Variants in GLIS1 observed in about 807,000 individuals in gnomAD.
The protein encoded by GLIS1 is zinc finger protein GLIS1.
A neutral mutation model predicts 63.8 loss-of-function variants in GLIS1; 24 were observed. The ratio of observed to expected loss-of-function variants is 0.38; its 90% CI spans 0.27 to 0.53. The LOEUF (loss-of-function observed/expected upper bound fraction) is 0.53. Ranked by LOEUF, GLIS1 falls within the 20% of genes least tolerant of loss-of-function variation. GLIS1 has a pLI of 0.85. For synonymous variants in GLIS1, 450 were observed against 482.5 expected, an observed-to-expected ratio of 0.93 and a Z score of 0.88; for missense variants, 1,036 against 1,074.1, an observed-to-expected ratio of 0.96 and a Z score of 0.50.
At chr1:53,698,165 A>G (rs1274165445) in intron 2 of GLIS1, among the ~76,000 whole-genome samples, 2 of 151,538 alleles carry the variant, frequency 1.3e-5, no homozygotes, top group African/African-American at 4.8e-5. Context: ...TCTCCCAGGA[A>G]CACGCCCTCC....
chr1:53,682,207 G>GACTCCA (rs1172962122), intron 2 of GLIS1, among the ~76,000 whole-genome samples: 4 of 152,172 alleles, frequency 2.6e-5, no homozygotes, highest in Admixed American at 6.5e-5. Context: ...ACCGGACTCC[G>GACTCCA]ACTCCAACTC....
chr1:53,628,139 C>T (rs1009477572), intron 2 of GLIS1, among the ~76,000 whole-genome samples: 2 of 24,444 alleles, frequency 8.2e-5, no homozygotes, highest in African/African-American at 1.3e-4. Context: ...CTTGCTGTGC[C>T]CTTGCTGTGC....
intron 2 of GLIS1, among the ~76,000 whole-genome samples, chr1:53,630,499 T>C (rs1283121360): frequency 3.1e-4 from 1 of 3,276 alleles, no homozygotes; most frequent in Non-Finnish European, 0.014. Context: ...ATTTCTTTCT[T>C]TTTTTTTTTT....
intron 4 of GLIS1, among the ~76,000 whole-genome samples, chr1:53,541,300 C>T (rs1557440284): frequency 6.6e-6 from 1 of 152,224 alleles, no homozygotes; most frequent in Admixed American, 6.5e-5. Context: ...CTTTAGGGGA[C>T]AGCCCACAGT....
intron 2 of GLIS1, among the ~76,000 whole-genome samples, chr1:53,625,794 G>A (rs1490711651): frequency 6.6e-6 from 1 of 152,164 alleles, no homozygotes; most frequent in Non-Finnish European, 1.5e-5. Context: ...CCCCCTTCAG[G>A]TCAATCCATC....
At chr1:53,669,067 C>T (rs1646125245) in intron 2 of GLIS1, among the ~76,000 whole-genome samples, 1 of 152,332 alleles carries the variant, frequency 6.6e-6, no homozygotes, top group East Asian at 1.9e-4. Context: ...CAGATGAGGC[C>T]TGGGCATTCT....
At chr1:53,610,084 G>A (rs1000607131) in intron 2 of GLIS1, among the ~76,000 whole-genome samples, 3 of 152,164 alleles carry the variant, frequency 2.0e-5, no homozygotes, top group African/African-American at 7.2e-5. Context: ...TCTACACAAG[G>A]CAAGAACCTC....
At chr1:53,630,241 A>C (rs1315741095) in intron 2 of GLIS1, among the ~76,000 whole-genome samples, 1 of 152,198 alleles carries the variant, frequency 6.6e-6, no homozygotes, top group Non-Finnish European at 1.5e-5. Context: ...TTTATTTAGC[A>C]ATTCCCTGTT....
chr1:53,726,980 T>G (rs544561504), intron 2 of GLIS1, among the ~76,000 whole-genome samples: 9 of 152,206 alleles, frequency 5.9e-5, no homozygotes, highest in Non-Finnish European at 1.3e-4. Flanking sequence ...TGCTGTGCAC[T>G]AGCACCTGAG....
intron 4 of GLIS1, among the ~76,000 whole-genome samples, chr1:53,584,892 C>A (rs1327186446): frequency 6.6e-6 from 1 of 152,196 alleles, no homozygotes; most frequent in East Asian, 1.9e-4. Flanking sequence ...TCTATAAATT[C>A]TCAGTTACGA....
intron 2 of GLIS1, among the ~76,000 whole-genome samples, chr1:53,715,285 AT>A (rs1646686307): frequency 6.6e-6 from 1 of 152,214 alleles, no homozygotes; most frequent in Non-Finnish European, 1.5e-5. Flanking sequence ...GGGAGGTGAT[AT>A]GTAAGCAGAA....
intron 4 of GLIS1, among the ~76,000 whole-genome samples, chr1:53,556,983 T>A (rs933101008): frequency 3.4e-5 from 5 of 146,796 alleles, no homozygotes; most frequent in Admixed American, 2.0e-4. Context: ...TGTGTGCAGA[T>A]GTGTGTGTTC....
chr1:53,682,118 C>A (rs551003478), intron 2 of GLIS1, among the ~76,000 whole-genome samples: 2 of 152,366 alleles, frequency 1.3e-5, no homozygotes, highest in East Asian at 3.9e-4. Context: ...CCGTTCCAGG[C>A]AGAGTCCGCA....
intron 2 of GLIS1, among the ~76,000 whole-genome samples, chr1:53,690,733 A>G (rs767325561): frequency 1.3e-5 from 2 of 152,186 alleles, no homozygotes; most frequent in Non-Finnish European, 2.9e-5. Context: ...ACAGACAGAG[A>G]AGGAGGAAAG....
At chr1:53,638,382 C>T (rs1328217381) in intron 2 of GLIS1, among the ~76,000 whole-genome samples, 1 of 120,084 alleles carries the variant, frequency 8.3e-6, no homozygotes, top group African/African-American at 2.5e-5. Flanking sequence ...CAGACACTGG[C>T]CCCAAGGGGC....
intron 2 of GLIS1, among the ~76,000 whole-genome samples, chr1:53,619,190 T>A (rs1261322845): frequency 6.6e-6 from 1 of 152,184 alleles, no homozygotes; most frequent in Non-Finnish European, 1.5e-5. Flanking sequence ...AGACCCTTTC[T>A]GGCATGGGCC....
chr1:53,523,259 G>A (rs1198421838), intron 6 of GLIS1, among the ~76,000 whole-genome samples: 5 of 152,052 alleles, frequency 3.3e-5, no homozygotes, highest in African/African-American at 1.2e-4. Flanking sequence ...ATTTGACCAC[G>A]TCCCTCTCTG....
chr1:53,564,961 A>G (rs1469296784), intron 4 of GLIS1, among the ~76,000 whole-genome samples: 1 of 152,068 alleles, frequency 6.6e-6, no homozygotes, highest in Admixed American at 6.5e-5. Flanking sequence ...CTACTGAACA[A>G]AAACAGAATA....
At chr1:53,527,547 G>T (rs968409441) in intron 5 of GLIS1, among the ~76,000 whole-genome samples, 4 of 152,240 alleles carry the variant, frequency 2.6e-5, no homozygotes, top group African/African-American at 9.6e-5. Context: ...CATGGCCACG[G>T]TCAGAACCCT....
Sources: gnomAD v4.1 joint callset for allele counts (sites outside exome capture counted in the v4.1 genomes callset) on GRCh38, gnomAD v4.1.1 for gene constraint, MANE v1.5 for transcripts, NCBI Gene and HGNC (gene_info 2026-07-23, HGNC 2026-07-21) for gene names.